The following DHX35 variants were observed in gnomAD, a reference collection of about 807,000 sequenced individuals.
The protein encoded by DHX35 is probable ATP-dependent RNA helicase DHX35.
A neutral mutation model predicts 99.6 loss-of-function variants in DHX35; 84 were observed. That is an observed-to-expected ratio of 0.84 (90% CI 0.71 to 1.01). DHX35 has a LOEUF of 1.01. DHX35 is among the 50% of genes least tolerant of loss of function. The pLI, the probability that DHX35 is intolerant of heterozygous loss-of-function variation, is 0.00. For synonymous variants in DHX35, 331 were observed against 316.2 expected, an observed-to-expected ratio of 1.05 and a Z score of -0.50; for missense variants, 852 against 888.5, an observed-to-expected ratio of 0.96 and a Z score of 0.52.
intron 3 of DHX35, chr20:38,977,827 C>T (rs1316353725): frequency 1.8e-6 from 1 of 551,750 alleles, no homozygotes; most frequent in Non-Finnish European, 3.5e-6. Context: ...GGTATTGAGT[C>T]TTTTCCATTC....
chr20:39,019,713 G>C (rs1302115036), intron 15 of DHX35, among the ~76,000 whole-genome samples: 2 of 152,066 alleles, frequency 1.3e-5, no homozygotes, highest in African/African-American at 2.4e-5. Context: ...TTTGTGCTAA[G>C]AATTTGTGCT....
Position 39,010,231 on chromosome 20 carries a change from A to G in DHX35, c.1223-49A>G. On this transcript the variant is annotated intron_variant, in intron 12 of 21. Coordinates refer to ENST00000252011, the MANE Select transcript of DHX35 (RefSeq NM_021931.4). ...ATTTGTCCCTTGGCATAGTGATTGC[A>G]TTTGATTGTGACATTTGGTCCCAAA... The G allele has an allele frequency of 1.9e-6, 3 of 1,613,760 alleles. No homozygotes were observed. In the South Asian group the frequency reaches 3.3e-5, roughly 18 times the overall value.
At chr20:39,038,185 C>G (rs2087186131) in intron 21 of DHX35, among the ~76,000 whole-genome samples, 1 of 152,240 alleles carries the variant, frequency 6.6e-6, no homozygotes, top group African/African-American at 2.4e-5. Context: ...CGGTGCTGTC[C>G]TCTAGGCTGG....
At chr20:38,983,614 T>G in intron 3 of DHX35, 85 bp from the exon 4 acceptor site, 1 of 1,125,026 alleles carries the variant, frequency 8.9e-7, no homozygotes, top group Non-Finnish European at 1.3e-6. Flanking sequence ...TCTTAGTGAT[T>G]TTAACACAAT....
chr20:38,964,201 A>G (rs527503239), intron 1 of DHX35, among the ~76,000 whole-genome samples: 3 of 152,358 alleles, frequency 2.0e-5, no homozygotes, highest in African/African-American at 7.2e-5. Context: ...GTTTTGTTTC[A>G]TAGAGAAATG....
At chr20:39,036,726 C>CAAAAAAAAAAAAAAAAAAAAAAAAAAAA (rs60032935) in intron 21 of DHX35, among the ~76,000 whole-genome samples, 1 of 51,664 alleles carries the variant, frequency 1.9e-5, no homozygotes, top group Non-Finnish European at 3.6e-5. Context: ...ACTGTCCCCC[C>CAAAAAAAAAAAAAAAAAAAAAAAAAAAA]AAAAAAAAAA....
intron 8 of DHX35, among the ~76,000 whole-genome samples, chr20:39,000,609 A>G (rs1201156598): frequency 3.3e-5 from 5 of 152,184 alleles, no homozygotes; most frequent in Non-Finnish European, 7.3e-5. Flanking sequence ...GGTTAAATCC[A>G]GTTTACTCTT....
chr20:38,995,171 T>G (rs913277001), intron 8 of DHX35, among the ~76,000 whole-genome samples: 1 of 152,220 alleles, frequency 6.6e-6, no homozygotes, highest in Non-Finnish European at 1.5e-5. Context: ...TAAGCCTGTA[T>G]TTCTTGAATT....
intron 1 of DHX35, among the ~76,000 whole-genome samples, chr20:38,967,952 C>A (rs1482161490): frequency 7.9e-5 from 12 of 152,116 alleles, no homozygotes; most frequent in African/African-American, 2.7e-4. Context: ...CATTACAACA[C>A]ATACCTGGGA....
chr20:38,975,390 A>G (rs937424389), intron 3 of DHX35, among the ~76,000 whole-genome samples: 3 of 152,256 alleles, frequency 2.0e-5, no homozygotes, highest in African/African-American at 4.8e-5. Flanking sequence ...AGAGAGTAAT[A>G]TAACAATAGT....
chr20:38,993,979 C>T (rs57679307), intron 7 of DHX35, among the ~76,000 whole-genome samples: 57,213 of 151,886 alleles, frequency 0.38, 11,337 homozygotes, highest in Middle Eastern at 0.52. Flanking sequence ...GCAGGTGGAC[C>T]GGATTGCTGA....
At chr20:39,006,078 T>G (rs191985892) in intron 11 of DHX35, 68 bp from the exon 12 acceptor site, 1 of 1,537,454 alleles carries the variant, frequency 6.5e-7, no homozygotes, top group Non-Finnish European at 8.9e-7. Context: ...TCTTTTAGGA[T>G]TTTTACGAGT....
intron 3 of DHX35, chr20:38,978,486 A>G (rs2086117996): frequency 2.0e-6 from 1 of 506,180 alleles, no homozygotes; most frequent in African/African-American, 1.9e-5. Context: ...CCTGCTCCAG[A>G]GAACAGCTGT....
rs1261328429 is a variant in DHX35, at chr20:38,992,623, TGTGA to T, written c.582+206_582+209del. Among the ~76,000 whole-genome samples the T allele has an allele frequency of 9.9e-5, 15 of 152,060 alleles. No homozygotes were observed. In the East Asian group the frequency reaches 2.7e-3, roughly 27 times the overall value. ...TCTTTTCTGTGTGTGTGTGTGTGTG[TGTGA>T]GTGAGTGTGTGTGTACTTGGATCTG... On this transcript the variant is annotated intron_variant, in intron 7 of 21. Coordinates refer to ENST00000252011, the MANE Select transcript of DHX35 (RefSeq NM_021931.4).
intron 6 of DHX35, 147 bp downstream of exon 6, chr20:38,991,662 G>C: frequency 1.6e-6 from 1 of 629,752 alleles, no homozygotes; most frequent in Non-Finnish European, 2.7e-6. Flanking sequence ...GACCCTTGGT[G>C]TTTTTCTCAG....
At chr20:39,036,351 C>T (rs1412286059) in intron 21 of DHX35, among the ~76,000 whole-genome samples, 1 of 152,112 alleles carries the variant, frequency 6.6e-6, no homozygotes, top group African/African-American at 2.4e-5. Context: ...CTCTTCTCTC[C>T]AAATGGCTTT....
At chr20:39,031,721 G>A (rs2087057298) in intron 20 of DHX35, among the ~76,000 whole-genome samples, 1 of 152,188 alleles carries the variant, frequency 6.6e-6, no homozygotes, top group South Asian at 2.1e-4. Flanking sequence ...ATGAAGTGCT[G>A]GGCTCAGCAC....
intron 1 of DHX35, among the ~76,000 whole-genome samples, chr20:38,966,406 A>AAG (rs2085911274): frequency 6.6e-6 from 1 of 152,358 alleles, no homozygotes; most frequent in Non-Finnish European, 1.5e-5. Flanking sequence ...GTGGTGGCTC[A>AAG]TGCCTATAAT....
chr20:39,029,251 CA>C (rs2087006343), intron 19 of DHX35: 3 of 152,076 alleles, frequency 2.0e-5, no homozygotes, highest in Non-Finnish European at 4.4e-5. Flanking sequence ...GAGAACACTC[CA>C]AAGAATTTCT....
Sources: gnomAD v4.1 joint callset for allele counts (sites outside exome capture counted in the v4.1 genomes callset) on GRCh38, gnomAD v4.1.1 for gene constraint, MANE v1.5 for transcripts, NCBI Gene and HGNC (gene_info 2026-07-23, HGNC 2026-07-21) for gene names.